TRPM2: variants seen among roughly 807,000 people sequenced by gnomAD.
TRPM2 encodes the protein estrogen-responsive element-associated gene 1 protein.
TRPM2 carries 161 observed loss-of-function variants against 174.0 expected under a neutral mutation model. The observed-to-expected ratio is 0.93, with a 90% CI of 0.81 to 1.05. The LOEUF is 1.05. Ranked by LOEUF, TRPM2 falls within the 50% of genes least tolerant of loss-of-function variation. The probability of loss-of-function intolerance (pLI) is 0.00; values close to 1 mark genes in which losing one functional copy is unlikely to be tolerated. For missense variants in TRPM2, 2,057 were observed against 2,038.0 expected, an observed-to-expected ratio of 1.01 and a Z score of -0.18; for synonymous variants, 954 against 861.3, an observed-to-expected ratio of 1.11 and a Z score of -1.88.
chr21:44,364,046 T>G (rs1246347837), intron 2 of TRPM2, 68 bp from the exon 3 acceptor site: 2 of 1,531,376 alleles, frequency 1.3e-6, no homozygotes, highest in African/African-American at 2.7e-5. Flanking sequence ...CTGGGCCTCC[T>G]CTGATGCCTT....
chr21:44,401,710 C>G lies in TRPM2; in HGVS notation c.2351C>G (p.Pro784Arg), dbSNP rs2049623023. 3 of 1,613,082 alleles carry G rather than the reference C, an allele frequency of 1.9e-6. No individual in the cohort carries two copies. Among genetic ancestry groups the G allele is most frequent in the African/African-American group, 1.3e-5 (1 of 74,912 alleles). Residue 784 changes from proline to arginine, a missense_variant, in exon 16 of 32, where the codon CCC becomes CGC. Transcript: ENST00000397928. ...AAGAGGCTGCAGGATGTGGGCACCC[C>G]CGCGGCCCGCGCCCGTGCCTTCTTC... ...REKRLQDVGTPAARARAFFTA... is the reference protein window; with the variant it reads ...REKRLQDVGTRAARARAFFTA...
chr21:44,363,781 G>T (rs2048280977), intron 2 of TRPM2, among the ~76,000 whole-genome samples: 1 of 152,168 alleles, frequency 6.6e-6, no homozygotes, highest in Non-Finnish European at 1.5e-5. Context: ...AGAGACTCAA[G>T]ATCTTGAGTT....
At position 44,359,932 on chromosome 21, in the gene TRPM2, G is replaced by A. The variant is rs1212570023; in HGVS notation, c.255-4182G>A. Among the ~76,000 whole-genome samples the A allele has an allele frequency of 1.3e-5, 2 of 151,850 alleles. 1 individual carries two copies. Among genetic ancestry groups the A allele is most frequent in the African/African-American group, 4.8e-5 (2 of 41,300 alleles). ...CTGGCTAATTTTTGTATTTTTAGTA[G>A]AGACAGGGTTTCACCATATTAGCCA... On this transcript the variant is annotated intron_variant, in intron 2 of 31. Coordinates refer to ENST00000397928, the MANE Select transcript of TRPM2 (RefSeq NM_003307.4).
At position 44,391,041 on chromosome 21, in the gene TRPM2, C is replaced by A; in HGVS notation, c.1440+16C>A. 1.9e-6 allele frequency: 3 copies of A among 1,613,538 alleles called. No homozygotes were observed. The highest frequency in any genetic ancestry group is 2.5e-6 in the Non-Finnish European group (3 of 1,179,992). ...GCAGTGGAAGGTAAGTCTTCCAGAG[C>A]ACCCCGTGGAGGGGCCTACTGGGCC... On this transcript the variant is annotated intron_variant, in intron 10 of 31. Transcript: ENST00000397928. The surrounding 1 kb of genome is among the most constrained non-coding windows in gnomAD (Gnocchi z 5.0).
At chr21:44,374,023 T>C (rs1415552729) in intron 5 of TRPM2, among the ~76,000 whole-genome samples, 4 of 152,120 alleles carry the variant, frequency 2.6e-5, no homozygotes, top group East Asian at 3.9e-4. Context: ...CTCTTTTTTT[T>C]TTTTTGAGAT....
chr21:44,405,552 C>T (rs1259576605), intron 17 of TRPM2, among the ~76,000 whole-genome samples: 1 of 152,174 alleles, frequency 6.6e-6, no homozygotes, highest in Admixed American at 6.6e-5. Context: ...CACGCGGCTG[C>T]CGCTTTCTCC....
intron 13 of TRPM2, among the ~76,000 whole-genome samples, chr21:44,398,280 A>G (rs947570176): frequency 6.7e-6 from 1 of 149,404 alleles, no homozygotes; most frequent in East Asian, 2.0e-4. Flanking sequence ...GGCTCACTAC[A>G]CCCTCTGCCC....
At chr21:44,359,053 C>CGCTGATTGGTCCATTTTACAGTGT in intron 2 of TRPM2, among the ~76,000 whole-genome samples, 1 of 136,366 alleles carries the variant, frequency 7.3e-6, no homozygotes, top group Non-Finnish European at 1.6e-5. Context: ...TTTTACAGAG[C>CGCTGATTGGTCCATTTTACAGTGT]GCTGATTGGT....
chr21:44,369,401 C>T (rs995884418), intron 5 of TRPM2, 58 bp downstream of exon 5: 1 of 1,552,498 alleles, frequency 6.4e-7, no homozygotes, highest in Non-Finnish European at 8.7e-7. Context: ...TGAGGTCTGA[C>T]TGGGCGCTGT....
intron 22 of TRPM2, among the ~76,000 whole-genome samples, chr21:44,420,022 G>A (rs1430465941): frequency 1.3e-5 from 2 of 151,998 alleles, no homozygotes; most frequent in African/African-American, 2.4e-5. Context: ...TAGTAATGAC[G>A]ATGGTGACAA....
intron 16 of TRPM2, among the ~76,000 whole-genome samples, chr21:44,403,633 GTA>G (rs1199809347): frequency 6.6e-6 from 1 of 150,532 alleles, no homozygotes; most frequent in Non-Finnish European, 1.5e-5. Context: ...TCATGCATAT[GTA>G]TACACACATG....
At chr21:44,389,040 C>G (rs1268303060) in intron 9 of TRPM2, among the ~76,000 whole-genome samples, 3 of 152,180 alleles carry the variant, frequency 2.0e-5, no homozygotes, top group Non-Finnish European at 2.9e-5. Flanking sequence ...CAGGACATCT[C>G]CCCTATCCTG....
chr21:44,418,600 A>T, intron 22 of TRPM2, 45 bp downstream of exon 22: 1 of 1,608,056 alleles, frequency 6.2e-7, no homozygotes, highest in Non-Finnish European at 8.5e-7. Flanking sequence ...CCTCTGGGGG[A>T]CCTCCTGCAG....
At chr21:44,429,278 C>CTTTTTTTTT (rs35708355) in intron 27 of TRPM2, among the ~76,000 whole-genome samples, 7 of 44,192 alleles carry the variant, frequency 1.6e-4, no homozygotes, top group African/African-American at 2.6e-4. Context: ...TTTTCTTTTT[C>CTTTTTTTTT]TTTTTTTTTT....
At chr21:44,364,493 C>T (rs992389044) in intron 3 of TRPM2, among the ~76,000 whole-genome samples, 10 of 152,162 alleles carry the variant, frequency 6.6e-5, no homozygotes, top group Non-Finnish European at 1.5e-4. Context: ...TGGCCATCTG[C>T]AAAGCAGGGT....
chr21:44,427,686 G>A lies in TRPM2; in HGVS notation c.3974+575G>A, dbSNP rs568708461. Among the ~76,000 whole-genome samples the A allele has an allele frequency of 5.1e-4, 78 of 152,272 alleles. 1 individual carries two copies. The highest frequency in any genetic ancestry group is 2.9e-3 in the Admixed American group (45 of 15,302). On this transcript the variant is annotated intron_variant, in intron 27 of 31. Transcript: ENST00000397928. ...CAGAACCTGGGACTGGGGGGTTGCC[G>A]GGATGTGGGGCATGAACCATGGAGC...
chr21:44,428,031 C>T (rs2050869974), intron 27 of TRPM2, among the ~76,000 whole-genome samples: 2 of 152,164 alleles, frequency 1.3e-5, no homozygotes, highest in Non-Finnish European at 2.9e-5. Flanking sequence ...GGGTGGCTGC[C>T]ACACAGGCAG....
rs1251305934 is a variant in TRPM2 at position 44,399,967 on chromosome 21, G to A, written c.2209-292G>A. Among the ~76,000 whole-genome samples the A allele has an allele frequency of 2.0e-5, 3 of 152,194 alleles. No homozygotes were observed. Among genetic ancestry groups the A allele is most frequent in the African/African-American group, 7.2e-5 (3 of 41,428 alleles). On this transcript the variant is annotated intron_variant, in intron 14 of 31. Coordinates refer to ENST00000397928, the MANE Select transcript of TRPM2 (RefSeq NM_003307.4). This position sits in a 1 kb window ranked among gnomAD's most constrained non-coding sequence, Gnocchi z 4.6. ...GCTGTGCCAGGCCTAGGGAGGCCTGGGGAAGGGTCCTGTCCCCCACTGCAG... is the reference window on the plus strand; with the variant it reads ...GCTGTGCCAGGCCTAGGGAGGCCTGAGGAAGGGTCCTGTCCCCCACTGCAG...
In TRPM2 at chr21:44,354,529, G is replaced by A. The variant is rs965120939; in HGVS notation, c.166-119G>A. ...TAATCTTTGGCTCAGGGTCGCGCAG[G>A]CTTCCTTCCTTCAAGCAAATAGTGT... On this transcript the variant is annotated intron_variant, in intron 1 of 31. Transcript: ENST00000397928. This position sits in a 1 kb window ranked among gnomAD's most constrained non-coding sequence, Gnocchi z 4.3. 8.2e-6 allele frequency: 7 copies of A among 857,270 alleles called. No individual in the cohort carries two copies. Among genetic ancestry groups the A allele is most frequent in the African/African-American group, 6.8e-5 (4 of 59,160 alleles). 53.1% of individuals were successfully genotyped at this position (857,270 alleles called of 1,614,324 possible).
Sources: allele counts gnomAD v4.1 joint callset (sites outside exome capture counted in the v4.1 genomes callset), GRCh38; gene constraint gnomAD v4.1.1; non-coding constraint Gnocchi (gnomAD v3.1); transcripts MANE v1.5; gene names NCBI Gene and HGNC (gene_info 2026-07-23, HGNC 2026-07-21).